Variants in PAMR1 observed in about 807,000 individuals in gnomAD.
The protein encoded by PAMR1 is peptidase domain containing associated with muscle regeneration 1.
A neutral mutation model predicts 81.8 loss-of-function variants in PAMR1; 88 were observed. That is an observed-to-expected ratio of 1.08 (90% CI 0.91 to 1.28). The LOEUF (loss-of-function observed/expected upper bound fraction) is 1.28, where lower values mean the gene tolerates loss of function less well. Ranked by LOEUF, PAMR1 falls within the 50% of genes most tolerant of loss-of-function variation. The probability of loss-of-function intolerance (pLI) is 0.00; values close to 1 mark genes in which losing one functional copy is unlikely to be tolerated. For missense variants in PAMR1, 935 were observed against 919.7 expected, an observed-to-expected ratio of 1.02 and a Z score of -0.21; for synonymous variants, 336 against 345.3, an observed-to-expected ratio of 0.97 and a Z score of 0.30.
chr11:35,507,913 G>A (rs1302390329), intron 1 of PAMR1, among the ~76,000 whole-genome samples: 1 of 151,938 alleles, frequency 6.6e-6, no homozygotes, highest in African/African-American at 2.4e-5. Flanking sequence ...TCCAAATTGG[G>A]GAATTCCCAA....
At chr11:35,467,906 T>C in intron 6 of PAMR1, 95 bp downstream of exon 6, 2 of 719,630 alleles carry the variant, frequency 2.8e-6, no homozygotes, top group Non-Finnish European at 4.9e-6. Flanking sequence ...CAGAGCATCC[T>C]AGACATGAAG....
intron 1 of PAMR1, among the ~76,000 whole-genome samples, chr11:35,499,589 G>T (rs960066305): frequency 1.3e-5 from 2 of 152,124 alleles, no homozygotes; most frequent in Admixed American, 6.5e-5. Flanking sequence ...CATGCCAGGG[G>T]TCTCCCTTTT....
intron 1 of PAMR1, among the ~76,000 whole-genome samples, chr11:35,511,302 G>A (rs1851068460): frequency 6.6e-6 from 1 of 152,206 alleles, no homozygotes; most frequent in Non-Finnish European, 1.5e-5. Flanking sequence ...AGCAGCAAAT[G>A]TGCCCCTCAG....
At chr11:35,498,401 T>G (rs1361368948) in intron 1 of PAMR1, among the ~76,000 whole-genome samples, 1 of 152,116 alleles carries the variant, frequency 6.6e-6, no homozygotes, top group African/African-American at 2.4e-5. Context: ...GTAAAATGAG[T>G]GTACATTTTC....
intron 6 of PAMR1, chr11:35,451,973 C>A: frequency 1.5e-6 from 1 of 669,726 alleles, no homozygotes; most frequent in South Asian, 1.7e-5. Context: ...TTAAGTCACC[C>A]AGTCTATGGT....
At chr11:35,500,083 G>A (rs1850802941) in intron 1 of PAMR1, among the ~76,000 whole-genome samples, 1 of 152,150 alleles carries the variant, frequency 6.6e-6, no homozygotes, top group Non-Finnish European at 1.5e-5. Flanking sequence ...TTCTCCTGTG[G>A]AGCATCCAGA....
At chr11:35,439,963 A>G (rs896544970) in intron 7 of PAMR1, among the ~76,000 whole-genome samples, 1 of 152,206 alleles carries the variant, frequency 6.6e-6, no homozygotes, top group African/African-American at 2.4e-5. Flanking sequence ...GGACAATGGC[A>G]TCATAGATTA....
Position 35,494,190 on chromosome 11 carries a change from C to G in PAMR1, c.156G>C (p.Glu52Asp). 1 of 1,614,084 alleles carries G rather than the reference C, an allele frequency of 6.2e-7. No homozygotes were observed. Among genetic ancestry groups the G allele is most frequent in the Non-Finnish European group, 8.5e-7 (1 of 1,179,904 alleles). ...CRECCEYDQI[E>D]CVCPGKREVV... is the part of the protein sequence containing the mutation. Reference sequence around the variant, plus strand: ...CTTCCCTCTTTCCGGGGCAGACGCACTCAATCTGATCATATTCACAGCACT... The same window carrying G: ...CTTCCCTCTTTCCGGGGCAGACGCAGTCAATCTGATCATATTCACAGCACT... The change falls in exon 2 of 11, where the codon GAG becomes GAC. Residue 52 changes from glutamate (E) to aspartate (D), a missense_variant. Coordinates refer to ENST00000619888, the MANE Select transcript of PAMR1 (RefSeq NM_001001991.3).
rs1590329241 is a variant in PAMR1 at position 35,451,961 on chromosome 11, G to A, written c.821-10268C>T. 4.4e-6 allele frequency: 3 copies of A among 679,668 alleles called. No homozygotes were observed. The East Asian group carries it at 8.4e-5, about 19-fold the overall frequency. The allele number at this position is 679,668 out of a possible 1,614,324, so 42.1% of individuals were successfully genotyped here. On this transcript the variant is annotated intron_variant, in intron 6 of 10. Coordinates refer to ENST00000619888, the MANE Select transcript of PAMR1 (RefSeq NM_001001991.3). ...GAACTGTGAGAAATAAATGTTTGTTGTTTAAGTCACCCAGTCTATGGTATT... is the reference window on the plus strand; with the variant it reads ...GAACTGTGAGAAATAAATGTTTGTTATTTAAGTCACCCAGTCTATGGTATT...
chr11:35,501,699 G>T (rs527966802), intron 1 of PAMR1, among the ~76,000 whole-genome samples: 2 of 152,144 alleles, frequency 1.3e-5, no homozygotes, highest in East Asian at 1.9e-4. Flanking sequence ...ATGGTTCTGT[G>T]CTTGCTTATT....
At chr11:35,466,754 C>G (rs896209186) in intron 6 of PAMR1, among the ~76,000 whole-genome samples, 1 of 118,398 alleles carries the variant, frequency 8.4e-6, no homozygotes, top group African/African-American at 3.2e-5. Context: ...AAAAGGAAAA[C>G]ATTAGTGAAA....
intron 3 of PAMR1, 93 bp downstream of exon 3, chr11:35,491,952 C>T (rs1850634167): frequency 1.7e-6 from 2 of 1,205,896 alleles, no homozygotes; most frequent in East Asian, 2.7e-5. Context: ...CTTTCCAAAA[C>T]TCAGATTCCA....
intron 1 of PAMR1, among the ~76,000 whole-genome samples, chr11:35,518,000 G>A (rs1412038750): frequency 6.6e-6 from 1 of 152,158 alleles, no homozygotes. Context: ...GGAATCCATT[G>A]GGTCCATTAG....
chr11:35,439,912 G>T (rs1226501941), intron 7 of PAMR1, among the ~76,000 whole-genome samples: 2 of 152,314 alleles, frequency 1.3e-5, no homozygotes, highest in East Asian at 3.9e-4. Flanking sequence ...AATCCAAGAA[G>T]AGCAGATGCC....
chr11:35,503,378 A>T (rs541812342), intron 1 of PAMR1, among the ~76,000 whole-genome samples: 1 of 151,680 alleles, frequency 6.6e-6, no homozygotes, highest in African/African-American at 2.4e-5. Flanking sequence ...TATTTCTGTG[A>T]AGAATGTAAT....
intron 1 of PAMR1, among the ~76,000 whole-genome samples, chr11:35,516,404 T>C (rs1397826257): frequency 6.6e-6 from 1 of 152,192 alleles, no homozygotes; most frequent in African/African-American, 2.4e-5. Flanking sequence ...ATGAATTCGG[T>C]ATATATTCAG....
chr11:35,522,812 C>A (rs1333723495), intron 1 of PAMR1, among the ~76,000 whole-genome samples: 1 of 152,344 alleles, frequency 6.6e-6, no homozygotes, highest in Non-Finnish European at 1.5e-5. Flanking sequence ...TGAACCTCAT[C>A]TGTAAAACAC....
upstream of PAMR1, chr11:35,530,146 A>G (rs1026319097): frequency 2.6e-5 from 4 of 152,230 alleles, no homozygotes; most frequent in Admixed American, 1.3e-4. Context: ...GACTTCTGGT[A>G]ATTAAGTTTG....
intron 8 of PAMR1, among the ~76,000 whole-genome samples, chr11:35,437,062 C>T (rs191084729): frequency 2.6e-5 from 4 of 152,124 alleles, no homozygotes; most frequent in East Asian, 1.9e-4. Context: ...GCGCATTGAT[C>T]GGGAGAAATA....
Sources: gnomAD v4.1 joint callset for allele counts (sites outside exome capture counted in the v4.1 genomes callset) on GRCh38, gnomAD v4.1.1 for gene constraint, MANE v1.5 for transcripts, NCBI Gene and HGNC (gene_info 2026-07-23, HGNC 2026-07-21) for gene names.